CNTN1: variants seen among roughly 807,000 people sequenced by gnomAD.
CNTN1 encodes the protein contactin-1.
Under a neutral mutation model 126.4 loss-of-function variants are expected in CNTN1, and 38 were observed. That is an observed-to-expected ratio of 0.30 (90% CI 0.23 to 0.39). The LOEUF (loss-of-function observed/expected upper bound fraction) is 0.39. CNTN1 is among the 10% of genes least tolerant of loss of function. The probability of loss-of-function intolerance (pLI) is 1.00; values close to 1 mark genes in which losing one functional copy is unlikely to be tolerated. For missense variants in CNTN1, 1,009 were observed against 1,248.4 expected (o/e 0.81, Z 2.89); for synonymous variants, 413 against 422.6 (o/e 0.98, Z 0.28).
chr12:40,967,941 T>G (rs1947366293), intron 15 of CNTN1, among the ~76,000 whole-genome samples: 1 of 150,858 alleles, frequency 6.6e-6, no homozygotes, highest in African/African-American at 2.4e-5. Flanking sequence ...CATGTTATAA[T>G]AAAATATATA....
At chr12:40,711,565 G>A (rs916407032) in intron 1 of CNTN1, among the ~76,000 whole-genome samples, 1 of 152,086 alleles carries the variant, frequency 6.6e-6, no homozygotes, top group African/African-American at 2.4e-5. Flanking sequence ...CAATGCAGAA[G>A]AAATTAAACA....
intron 1 of CNTN1, among the ~76,000 whole-genome samples, chr12:40,867,566 C>T (rs1943341767): frequency 6.6e-6 from 1 of 152,132 alleles, no homozygotes; most frequent in African/African-American, 2.4e-5. Flanking sequence ...AACCATTCCA[C>T]AGTGTATACA....
intron 1 of CNTN1, among the ~76,000 whole-genome samples, chr12:40,856,703 G>C (rs115473777): frequency 6.6e-6 from 1 of 152,152 alleles, no homozygotes; most frequent in Non-Finnish European, 1.5e-5. Context: ...ATGTGTAGTA[G>C]TAAGGAAGAT....
chr12:41,043,936 G>A (rs910128597), intron 23 of CNTN1, among the ~76,000 whole-genome samples: 1 of 141,166 alleles, frequency 7.1e-6, no homozygotes, highest in African/African-American at 2.6e-5. Flanking sequence ...ACTCATAGGT[G>A]GGAATTGAAC....
At chr12:41,007,055 T>G (rs924934248) in intron 17 of CNTN1, among the ~76,000 whole-genome samples, 2 of 100,444 alleles carry the variant, frequency 2.0e-5, no homozygotes, top group African/African-American at 3.4e-5. Context: ...GTTTTTTTTT[T>G]TTTTTTTTTT....
chr12:40,836,709 T>C (rs1273496365), intron 1 of CNTN1, among the ~76,000 whole-genome samples: 2 of 152,206 alleles, frequency 1.3e-5, no homozygotes, highest in Non-Finnish European at 2.9e-5. Context: ...GGTTAATTCA[T>C]TGTTGTTATA....
chr12:41,007,045 G>GTTTTTTTTTTTT (rs71078294), intron 17 of CNTN1, among the ~76,000 whole-genome samples: 2 of 69,198 alleles, frequency 2.9e-5, no homozygotes, highest in African/African-American at 6.2e-5. Flanking sequence ...GTTTTGTGTG[G>GTTTTTTTTTTTT]TTTTTTTTTT....
intron 1 of CNTN1, among the ~76,000 whole-genome samples, chr12:40,723,188 G>A (rs1421280934): frequency 6.6e-6 from 1 of 152,154 alleles, no homozygotes; most frequent in East Asian, 1.9e-4. Flanking sequence ...TTCCATCCAG[G>A]CCTAACAGAT....
At chr12:40,880,443 T>C (rs1943832682) in intron 1 of CNTN1, among the ~76,000 whole-genome samples, 1 of 152,102 alleles carries the variant, frequency 6.6e-6, no homozygotes, top group Admixed American at 6.6e-5. Context: ...GTTTTCAGGA[T>C]ATAATGATAA....
chr12:40,858,721 T>C (rs1337010533), intron 1 of CNTN1, among the ~76,000 whole-genome samples: 3 of 152,054 alleles, frequency 2.0e-5, no homozygotes, highest in Non-Finnish European at 4.4e-5. Context: ...AGACAGGGAA[T>C]CAACCCAAAT....
intron 23 of CNTN1, among the ~76,000 whole-genome samples, chr12:41,041,141 T>C (rs1180262391): frequency 6.6e-6 from 1 of 151,960 alleles, no homozygotes; most frequent in African/African-American, 2.4e-5. Flanking sequence ...TTGAATTTTG[T>C]CAAAGGCCTT....
rs957490706 is a variant in CNTN1, at chr12:40,946,447, A to G, written c.1683+2277A>G. The stretch of plus-strand genomic sequence containing the variant: ...TAGCATTTGTTCATTAAGAATATGT[A>G]CTAAGCACATGCCATAAGCAGACAC... On this transcript the variant is annotated intron_variant, in intron 14 of 23. Transcript: ENST00000551295. 2.0e-5 allele frequency among the ~76,000 whole-genome samples: 3 copies of G among 152,130 alleles called. No individual in the cohort carries two copies. The East Asian group carries it at 5.8e-4, about 29-fold the overall frequency.
At chr12:40,870,700 A>T (rs1943455776) in intron 1 of CNTN1, among the ~76,000 whole-genome samples, 1 of 152,140 alleles carries the variant, frequency 6.6e-6, no homozygotes, top group Admixed American at 6.6e-5. Context: ...ATTGTTGCTG[A>T]TCTAAAGAAA....
chr12:41,008,606 C>T (rs1948564902), intron 17 of CNTN1, among the ~76,000 whole-genome samples: 1 of 152,178 alleles, frequency 6.6e-6, no homozygotes. Context: ...CTATCTATGA[C>T]ATGCTTAAAC....
At chr12:41,059,813 C>T (rs1293681687) in intron 23 of CNTN1, among the ~76,000 whole-genome samples, 1 of 152,030 alleles carries the variant, frequency 6.6e-6, no homozygotes, top group Non-Finnish European at 1.5e-5. Context: ...TTGCTTGAAT[C>T]CAGGAGTTCC....
intron 1 of CNTN1, among the ~76,000 whole-genome samples, chr12:40,814,535 A>G (rs1005124919): frequency 6.6e-6 from 1 of 152,036 alleles, no homozygotes; most frequent in African/African-American, 2.4e-5. Context: ...TGAGGTCTCT[A>G]TTCTGCTCCA....
At chr12:40,933,985 G>T (rs527898144) in intron 9 of CNTN1, 107 bp downstream of exon 9, 17 of 832,464 alleles carry the variant, frequency 2.0e-5, no homozygotes, top group Non-Finnish European at 3.4e-5. Flanking sequence ...TAAAAACAGT[G>T]ATGCATGTTA....
intron 1 of CNTN1, among the ~76,000 whole-genome samples, chr12:40,702,906 A>G (rs771793523): frequency 1.3e-5 from 2 of 152,292 alleles, no homozygotes; most frequent in Non-Finnish European, 2.9e-5. Context: ...TAATGTTTCC[A>G]ATGTTTTTTA....
chr12:40,730,910 G>A (rs557237365), intron 1 of CNTN1, among the ~76,000 whole-genome samples: 27 of 152,080 alleles, frequency 1.8e-4, no homozygotes, highest in African/African-American at 6.5e-4. Context: ...CAATGTAAAC[G>A]TTAATATAAT....
Sources: allele counts gnomAD v4.1 joint callset (sites outside exome capture counted in the v4.1 genomes callset), GRCh38; gene constraint gnomAD v4.1.1; transcripts MANE v1.5; gene names NCBI Gene and HGNC (gene_info 2026-07-23, HGNC 2026-07-21).